ATP10B: variants seen among roughly 807,000 people sequenced by gnomAD.
The protein encoded by ATP10B is phospholipid-transporting ATPase VB.
ATP10B carries 122 observed loss-of-function variants against 141.2 expected under a neutral mutation model. The ratio of observed to expected loss-of-function variants is 0.86; its 90% CI spans 0.75 to 1.00. The LOEUF (loss-of-function observed/expected upper bound fraction) is 1.00. ATP10B is among the 50% of genes least tolerant of loss of function. The probability of loss-of-function intolerance (pLI) is 0.00; values close to 1 mark genes in which losing one functional copy is unlikely to be tolerated. For synonymous variants in ATP10B, 685 were observed against 692.0 expected (o/e 0.99, Z 0.16); for missense variants, 1,876 against 1,825.3 (o/e 1.03, Z -0.51).
At chr5:160,880,269 A>C in the ATP10B span, among the ~76,000 whole-genome samples, 1,051 of 147,174 alleles carry the variant, frequency 7.1e-3, 15 homozygotes, top group African/African-American at 0.024. Context: ...AAATTATATA[A>C]TATAAAAGAA....
intron 24 of ATP10B, among the ~76,000 whole-genome samples, chr5:160,570,290 CTTTA>C (rs1245795259): frequency 2.0e-5 from 3 of 151,820 alleles, no homozygotes; most frequent in Non-Finnish European, 4.4e-5. Context: ...TAAATATTTT[CTTTA>C]TTCTAGGAAT....
chr5:160,622,306 C>G (rs1198334641), intron 14 of ATP10B, 88 bp downstream of exon 14: 10 of 1,361,460 alleles, frequency 7.3e-6, no homozygotes, highest in Non-Finnish European at 8.9e-6. Flanking sequence ...TCATGTCTCC[C>G]TGATCAGAAC....
At chr5:160,593,746 G>A (rs554672151) in intron 22 of ATP10B, among the ~76,000 whole-genome samples, 1,554 of 152,314 alleles carry the variant, frequency 0.01, 16 homozygotes, top group Middle Eastern at 0.027. Context: ...GCCAAGGCTC[G>A]AGAACTACGT....
intron 13 of ATP10B, among the ~76,000 whole-genome samples, chr5:160,630,343 T>A (rs1758853807): frequency 1.3e-5 from 2 of 152,182 alleles, no homozygotes; most frequent in Admixed American, 1.3e-4. Context: ...CTAAAAGCCC[T>A]GCATCCAAGA....
chr5:160,839,744 A>G (rs761144604), intron 1 of ATP10B, among the ~76,000 whole-genome samples: 31 of 152,132 alleles, frequency 2.0e-4, no homozygotes, highest in Non-Finnish European at 3.7e-4. Context: ...TATCTAAAAT[A>G]TAGCAGTTTT....
chr5:160,797,153 G>A (rs1005317590), intron 1 of ATP10B, among the ~76,000 whole-genome samples: 21 of 152,186 alleles, frequency 1.4e-4, no homozygotes, highest in African/African-American at 4.8e-4. Context: ...GCTGGGAAAG[G>A]CATCCTTGGC....
intron 2 of ATP10B, among the ~76,000 whole-genome samples, chr5:160,762,321 C>T (rs899339518): frequency 6.6e-6 from 1 of 152,086 alleles, no homozygotes; most frequent in Non-Finnish European, 1.5e-5. Context: ...GACAAAAGCA[C>T]CAGGAAACCT....
chr5:160,756,882 G>A (rs948135207), intron 2 of ATP10B, among the ~76,000 whole-genome samples: 8 of 151,868 alleles, frequency 5.3e-5, no homozygotes, highest in South Asian at 2.1e-4. Context: ...CATGTCACGC[G>A]AATATTTTTT....
At chr5:160,663,529 T>A (rs551917720) in intron 7 of ATP10B, among the ~76,000 whole-genome samples, 134 of 152,142 alleles carry the variant, frequency 8.8e-4, no homozygotes, top group African/African-American at 3.2e-3. Context: ...CTCAGCAAAC[T>A]ATCGCAAGGA....
chr5:160,906,440 T>C, the ATP10B span, among the ~76,000 whole-genome samples: 11 of 152,276 alleles, frequency 7.2e-5, no homozygotes, highest in African/African-American at 2.6e-4. Context: ...CTATAATCCT[T>C]CTAAACACTT....
At chr5:160,765,094 C>T (rs1380850808) in intron 2 of ATP10B, among the ~76,000 whole-genome samples, 2 of 152,174 alleles carry the variant, frequency 1.3e-5, no homozygotes, top group Non-Finnish European at 2.9e-5. Flanking sequence ...AATGTAAAAA[C>T]ATCCCATATT....
chr5:160,705,169 C>T (rs144387365), intron 3 of ATP10B, among the ~76,000 whole-genome samples: 5,347 of 152,026 alleles, frequency 0.035, 158 homozygotes, highest in South Asian at 0.066. Flanking sequence ...CTGCCAGCCT[C>T]GGACTCCCAA....
chr5:160,751,223 GACC>G (rs1243851804), intron 2 of ATP10B, among the ~76,000 whole-genome samples: 1 of 152,124 alleles, frequency 6.6e-6, no homozygotes, highest in East Asian at 1.9e-4. Context: ...TATTGGCACT[GACC>G]ACATCAGCCA....
At chr5:160,670,821 C>CTCA (rs1561732129) in intron 6 of ATP10B, among the ~76,000 whole-genome samples, 154 bp from the exon 7 acceptor site, 1 of 152,088 alleles carries the variant, frequency 6.6e-6, no homozygotes, top group East Asian at 1.9e-4. Context: ...GAATGACCAC[C>CTCA]TCATAATCTC....
rs1021666988 is a variant in ATP10B, at chr5:160,767,645, C to CCCCCCG, written c.-331+17913_-331+17914insCGGGGG. Among the ~76,000 whole-genome samples the CCCCCCG allele has an allele frequency of 5.6e-4, 75 of 134,142 alleles. 1 individual carries two copies. The highest frequency in any genetic ancestry group is 4.2e-3 in the Middle Eastern group (1 of 238). 88.0% of individuals were successfully genotyped at this position (134,142 alleles called of 152,430 possible). A position where few individuals can be genotyped will look rare whatever the true frequency, so the allele number is the denominator to read the frequency against. On this transcript the variant is annotated intron_variant, in intron 2 of 25. Transcript: ENST00000327245. The stretch of plus-strand genomic sequence containing the variant: ...GGTCATGTGTGCAGAACCCCCCCCC[C>CCCCCCG]CAAAATAACAGGTTACTCTGACTGG...
At chr5:160,925,985 G>A in the ATP10B span, among the ~76,000 whole-genome samples, 1 of 152,202 alleles carries the variant, frequency 6.6e-6, no homozygotes, top group East Asian at 1.9e-4. Context: ...AGGATTGCCA[G>A]GTAATATAGC....
chr5:160,905,817 T>C, the ATP10B span, among the ~76,000 whole-genome samples: 1 of 152,184 alleles, frequency 6.6e-6, no homozygotes. Context: ...CTGAGTTCTT[T>C]TGTAAAATAT....
In ATP10B at chr5:160,811,845, G is replaced by A. The variant is rs560447085; in HGVS notation, c.-575-26042C>T. ...ATTTTAGAGCTCCAGGGCCTTGAGC[G>A]CACATAGGCAGTAGCCAGGTAGTAG... On this transcript the variant is annotated intron_variant, in intron 1 of 25. Transcript: ENST00000327245. Among the ~76,000 whole-genome samples, 229 of 152,248 alleles carry A rather than the reference G, an allele frequency of 1.5e-3. 2 individuals carry two copies. The highest frequency in any genetic ancestry group is 4.3e-3 in the African/African-American group (179 of 41,548).
intron 1 of ATP10B, 37 bp downstream of exon 1, chr5:160,851,904 C>G (rs961131630): frequency 2.8e-4 from 42 of 152,170 alleles, no homozygotes; most frequent in African/African-American, 6.0e-4. Context: ...AATTACTCCC[C>G]CATTATATAG....
Sources: allele counts gnomAD v4.1 joint callset (sites outside exome capture counted in the v4.1 genomes callset), GRCh38; gene constraint gnomAD v4.1.1; transcripts MANE v1.5; gene names NCBI Gene and HGNC (gene_info 2026-07-23, HGNC 2026-07-21).